Variants in FAM227B observed in about 807,000 individuals in gnomAD.
FAM227B encodes the protein family with sequence similarity 227 member B.
Under a neutral mutation model 73.8 loss-of-function variants are expected in FAM227B, and 88 were observed. The observed-to-expected ratio is 1.19, with a 90% CI of 1.00 to 1.42. FAM227B has a LOEUF of 1.42. FAM227B is among the 40% of genes most tolerant of loss of function. The pLI is 0.00. For synonymous variants in FAM227B, 210 were observed against 190.5 expected, an observed-to-expected ratio of 1.10 and a Z score of -0.84; for missense variants, 632 against 590.9, an observed-to-expected ratio of 1.07 and a Z score of -0.72.
intron 11 of FAM227B, chr15:49,425,409 A>G (rs558259781): frequency 1.3e-5 from 2 of 152,168 alleles, no homozygotes; most frequent in East Asian, 3.9e-4. Context: ...AACCAACTTC[A>G]ATAGTATTAA....
chr15:49,483,301 G>A (rs770652780), intron 11 of FAM227B: 8 of 933,586 alleles, frequency 8.6e-6, no homozygotes, highest in Non-Finnish European at 1.0e-5. Context: ...ACTCATTTTT[G>A]TCAAAATATC....
chr15:49,495,451 A>G (rs553729847), intron 11 of FAM227B, among the ~76,000 whole-genome samples: 7 of 152,204 alleles, frequency 4.6e-5, no homozygotes, highest in Non-Finnish European at 1.0e-4. Flanking sequence ...TTCTCTACAC[A>G]GTATAAAATA....
At chr15:49,408,908 TAGG>T (rs1234623133) in intron 11 of FAM227B, among the ~76,000 whole-genome samples, 2 of 152,082 alleles carry the variant, frequency 1.3e-5, no homozygotes, top group Admixed American at 6.6e-5. Context: ...TGATACATAG[TAGG>T]AGGTGTATAG....
At chr15:49,415,805 TA>T (rs2049174170) in intron 11 of FAM227B, among the ~76,000 whole-genome samples, 1 of 152,292 alleles carries the variant, frequency 6.6e-6, no homozygotes, top group South Asian at 2.1e-4. Context: ...CAGTTAGTTT[TA>T]AAATGTTAGG....
chr15:49,508,386 G>A, intron 10 of FAM227B, 38 bp from the exon 11 acceptor site: 1 of 1,495,832 alleles, frequency 6.7e-7, no homozygotes, highest in Non-Finnish European at 8.9e-7. Flanking sequence ...AAATAAATTT[G>A]GATTTTGAAA....
intron 13 of FAM227B, among the ~76,000 whole-genome samples, chr15:49,361,250 T>G (rs1290706734): frequency 6.6e-6 from 1 of 152,208 alleles, no homozygotes; most frequent in Non-Finnish European, 1.5e-5. Context: ...AAATTTTTTT[T>G]TAACTTTTAT....
chr15:49,548,838 G>C (rs1180688175), intron 9 of FAM227B, among the ~76,000 whole-genome samples: 3 of 152,070 alleles, frequency 2.0e-5, no homozygotes, highest in Non-Finnish European at 4.4e-5. Context: ...ATAATCCTTT[G>C]ACTTTCTGCA....
chr15:49,489,853 ATATATT>A (rs1268828556), intron 11 of FAM227B, among the ~76,000 whole-genome samples: 1 of 16,950 alleles, frequency 5.9e-5, no homozygotes, highest in Non-Finnish European at 1.2e-4. Context: ...ATATATATAT[ATATATT>A]TTATATATAT....
At chr15:49,599,629 C>A (rs2077071884) in intron 3 of FAM227B, among the ~76,000 whole-genome samples, 1 of 152,076 alleles carries the variant, frequency 6.6e-6, no homozygotes, top group Non-Finnish European at 1.5e-5. Context: ...TACATTATTT[C>A]CATTTTCATT....
At chr15:49,483,117 A>G in intron 11 of FAM227B, 1 of 1,167,526 alleles carries the variant, frequency 8.6e-7, no homozygotes, top group Non-Finnish European at 1.3e-6. Flanking sequence ...AAACTGAACG[A>G]ATATTTGACA....
chr15:49,577,904 T>A (rs2075564171), intron 5 of FAM227B, among the ~76,000 whole-genome samples: 1 of 152,194 alleles, frequency 6.6e-6, no homozygotes, highest in East Asian at 1.9e-4. Context: ...CAAATAGATA[T>A]AAGGGCTATA....
chr15:49,329,131 A>C, intron 15 of FAM227B: 1 of 991,294 alleles, frequency 1.0e-6, no homozygotes, highest in African/African-American at 1.7e-5. Context: ...TTGTTTGTAT[A>C]TATGCACCCC....
intron 11 of FAM227B, among the ~76,000 whole-genome samples, chr15:49,468,315 T>C (rs2054445455): frequency 6.6e-6 from 1 of 152,198 alleles, no homozygotes; most frequent in Non-Finnish European, 1.5e-5. Flanking sequence ...CCAGCAATTA[T>C]GCAATCATGT....
intron 9 of FAM227B, among the ~76,000 whole-genome samples, chr15:49,550,344 C>G (rs2072754877): frequency 6.7e-6 from 1 of 149,492 alleles, no homozygotes; most frequent in Non-Finnish European, 1.5e-5. Flanking sequence ...GCTGACCCCC[C>G]CACCTCCCTC....
At chr15:49,593,093 C>T (rs1361972412) in intron 3 of FAM227B, among the ~76,000 whole-genome samples, 3 of 152,156 alleles carry the variant, frequency 2.0e-5, no homozygotes, top group Non-Finnish European at 4.4e-5. Flanking sequence ...CAGTCTGTCA[C>T]GGCTTCCCTT....
chr15:49,592,129 C>A (rs994397512), intron 3 of FAM227B, among the ~76,000 whole-genome samples: 11 of 152,078 alleles, frequency 7.2e-5, no homozygotes, highest in African/African-American at 2.4e-4. Flanking sequence ...CTTTAGCTCA[C>A]AGAAGTTTGT....
chr15:49,400,702 C>T (rs2048074131), intron 11 of FAM227B, among the ~76,000 whole-genome samples: 1 of 149,658 alleles, frequency 6.7e-6, no homozygotes, highest in Non-Finnish European at 1.5e-5. Context: ...TGCCACATAT[C>T]TACAACCATC....
chr15:49,568,159 C>A, intron 9 of FAM227B, 86 bp downstream of exon 9: 3 of 1,176,526 alleles, frequency 2.5e-6, no homozygotes, highest in East Asian at 2.6e-5. Flanking sequence ...AAAATATATT[C>A]TCATATGGGT....
chr15:49,592,608 C>G (rs764810144), intron 3 of FAM227B, among the ~76,000 whole-genome samples: 4 of 152,234 alleles, frequency 2.6e-5, no homozygotes, highest in Non-Finnish European at 5.9e-5. Flanking sequence ...TTGGCCCCTA[C>G]TGGGAGGTGT....
Sources: gnomAD v4.1 joint callset for allele counts (sites outside exome capture counted in the v4.1 genomes callset) on GRCh38, gnomAD v4.1.1 for gene constraint, MANE v1.5 for transcripts, NCBI Gene and HGNC (gene_info 2026-07-23, HGNC 2026-07-21) for gene names.